Variants in RFC3 observed in about 807,000 individuals in gnomAD.
RFC3 encodes the protein replication factor C subunit 3, also known as A1 38 kDa subunit.
A neutral mutation model predicts 45.1 loss-of-function variants in RFC3; 41 were observed. The ratio of observed to expected loss-of-function variants is 0.91; its 90% CI spans 0.71 to 1.18. The LOEUF (loss-of-function observed/expected upper bound fraction) is 1.18. Among genes scored for constraint, RFC3 ranks in the 50% most tolerant of loss-of-function variants. RFC3 has a pLI of 0.00. For missense variants in RFC3, 423 were observed against 428.1 expected (o/e 0.99, Z 0.10); for synonymous variants, 149 against 144.0 (o/e 1.03, Z -0.25).
At chr13:33,853,691 TAACTGCTTTTA>T (rs2082291332) in intron 8 of RFC3, among the ~76,000 whole-genome samples, 1 of 152,152 alleles carries the variant, frequency 6.6e-6, no homozygotes, top group African/African-American at 2.4e-5. Context: ...ACCTAAATTC[TAACTGCTTTTA>T]AAGAGGGAAA....
chr13:33,969,906 A>ATTTC (rs1385051156), downstream of RFC3, among the ~76,000 whole-genome samples: 469 of 145,780 alleles, frequency 3.2e-3, 4 homozygotes, highest in African/African-American at 0.011. Context: ...TTATTGTCAG[A>ATTTC]TTTGTTTTTT....
chr13:33,841,648 A>G (rs371143371), downstream of RFC3, among the ~76,000 whole-genome samples: 1 of 152,348 alleles, frequency 6.6e-6, no homozygotes, highest in South Asian at 2.1e-4. Flanking sequence ...GGGGGAGTCA[A>G]AAGTTATACA....
chr13:33,892,762 G>C (rs1303252963), intron 8 of RFC3, among the ~76,000 whole-genome samples: 2 of 152,112 alleles, frequency 1.3e-5, no homozygotes, highest in African/African-American at 4.8e-5. Context: ...ACAGCACCAA[G>C]ATTATCACCA....
chr13:33,917,225 T>C (rs2082738962), intron 8 of RFC3, among the ~76,000 whole-genome samples: 1 of 152,156 alleles, frequency 6.6e-6, no homozygotes, highest in Non-Finnish European at 1.5e-5. Context: ...AGAATACAAG[T>C]GTAGCCCTTG....
chr13:33,888,234 T>G (rs2082539381), intron 8 of RFC3, among the ~76,000 whole-genome samples: 1 of 152,204 alleles, frequency 6.6e-6, no homozygotes, highest in South Asian at 2.1e-4. Context: ...TCCACTGGCA[T>G]GCAAGTTCAG....
chr13:33,918,696 C>G lies in RFC3; in HGVS notation c.880-47391C>G, dbSNP rs566249588. ...AATTTGCCAACAGTGGAGGGCATTG[C>G]GACAAAAACCGCCCGACAGGAAGGC... On this transcript the variant is annotated intron_variant, in intron 8 of 8. Transcript: ENST00000434425. 1.5e-3 allele frequency among the ~76,000 whole-genome samples: 227 copies of G among 152,190 alleles called. 1 individual carries two copies. Among genetic ancestry groups the G allele is most frequent in the African/African-American group, 5.2e-3 (217 of 41,522 alleles).
At chr13:33,891,163 G>C (rs2082561135) in intron 8 of RFC3, among the ~76,000 whole-genome samples, 1 of 152,076 alleles carries the variant, frequency 6.6e-6, no homozygotes. Flanking sequence ...TTACAATCTT[G>C]CTTGCTAAGT....
At chr13:33,890,351 G>A (rs1164683839) in intron 8 of RFC3, among the ~76,000 whole-genome samples, 1 of 152,130 alleles carries the variant, frequency 6.6e-6, no homozygotes, top group African/African-American at 2.4e-5. Context: ...CAATATCAGA[G>A]CTCATGTATG....
At chr13:33,839,957 T>C (rs2082185599), downstream of RFC3, among the ~76,000 whole-genome samples, 1 of 152,218 alleles carries the variant, frequency 6.6e-6, no homozygotes, top group Non-Finnish European at 1.5e-5. Context: ...TTCTGGGTTG[T>C]GTTGTTTCTG....
At chr13:33,855,890 T>A (rs776778899) in intron 8 of RFC3, among the ~76,000 whole-genome samples, 7 of 152,222 alleles carry the variant, frequency 4.6e-5, no homozygotes, top group Non-Finnish European at 1.0e-4. Flanking sequence ...ATGCATAGTT[T>A]GCAAAAACGT....
chr13:33,832,482 T>C (rs537738491), intron 7 of RFC3, among the ~76,000 whole-genome samples: 7 of 152,192 alleles, frequency 4.6e-5, no homozygotes, highest in Admixed American at 1.3e-4. Flanking sequence ...CTGGTTACCA[T>C]ATAGATTGGT....
At chr13:33,956,771 G>C (rs1391065665) in intron 8 of RFC3, among the ~76,000 whole-genome samples, 1 of 152,186 alleles carries the variant, frequency 6.6e-6, no homozygotes, top group South Asian at 2.1e-4. Context: ...CCTGCTTTAA[G>C]TATCCACACA....
chr13:33,851,254 T>A (rs1385636852), intron 8 of RFC3, among the ~76,000 whole-genome samples: 2 of 152,208 alleles, frequency 1.3e-5, no homozygotes, highest in South Asian at 4.1e-4. Context: ...TTTACAAAGA[T>A]TGGATTCCTT....
At chr13:33,848,790 G>A (rs892459638) in intron 8 of RFC3, 8 of 151,952 alleles carry the variant, frequency 5.3e-5, no homozygotes, top group Non-Finnish European at 1.5e-5. Flanking sequence ...ACAGCTATTT[G>A]TGCATTTAAA....
downstream of RFC3, among the ~76,000 whole-genome samples, chr13:33,968,412 C>G (rs1206549374): frequency 6.6e-6 from 1 of 152,156 alleles, no homozygotes; most frequent in Admixed American, 6.5e-5. Flanking sequence ...ACAGGTGTGC[C>G]ACCACGCCTG....
chr13:33,894,843 A>G (rs1279964700), intron 8 of RFC3, among the ~76,000 whole-genome samples: 1 of 152,200 alleles, frequency 6.6e-6, no homozygotes, highest in Non-Finnish European at 1.5e-5. Flanking sequence ...GAACCAAGAA[A>G]TAAAGCCAAA....
chr13:33,819,215 C>A lies in RFC3; in HGVS notation c.87+950C>A, dbSNP rs117259775. 3.0e-3 allele frequency among the ~76,000 whole-genome samples: 460 copies of A among 152,186 alleles called. 4 individuals carry two copies. The highest frequency in any genetic ancestry group is 4.0e-3 in the Non-Finnish European group (275 of 68,000). On this transcript the variant is annotated intron_variant, in intron 1 of 8. Coordinates refer to ENST00000380071, the MANE Select transcript of RFC3 (RefSeq NM_002915.4). ...CTGAGATTAGAGCTTTGTGAAAGAT[C>A]CTCTCCCCTCTATCCTGATGCCTCT...
intron 8 of RFC3, among the ~76,000 whole-genome samples, chr13:33,949,163 C>A (rs2082973300): frequency 6.6e-6 from 1 of 151,972 alleles, no homozygotes; most frequent in African/African-American, 2.4e-5. Context: ...GGCAGTTTCC[C>A]CCATGCTGCC....
intron 8 of RFC3, among the ~76,000 whole-genome samples, chr13:33,861,552 G>T (rs997839017): frequency 2.0e-5 from 3 of 151,988 alleles, no homozygotes; most frequent in South Asian, 2.1e-4. Flanking sequence ...GGCTGAGGCA[G>T]GAGAATCTCT....
Sources: allele counts gnomAD v4.1 joint callset (sites outside exome capture counted in the v4.1 genomes callset), GRCh38; gene constraint gnomAD v4.1.1; transcripts MANE v1.5; gene names NCBI Gene and HGNC (gene_info 2026-07-23, HGNC 2026-07-21).